PRKCZ: variants seen among roughly 807,000 people sequenced by gnomAD.
PRKCZ encodes protein kinase C zeta, also known as protein kinase C zeta type.
In PRKCZ, 33 loss-of-function variants were observed where a neutral mutation model predicts 79.5. The ratio of observed to expected loss-of-function variants is 0.41; its 90% CI spans 0.31 to 0.55. The LOEUF is 0.55. PRKCZ is among the 20% of genes least tolerant of loss of function. PRKCZ has a pLI of 0.19. For synonymous variants in PRKCZ, 342 were observed against 320.9 expected (o/e 1.07, Z -0.70); for missense variants, 578 against 813.5 (o/e 0.71, Z 3.52).
chr1:2,144,707 C>A, intron 6 of PRKCZ: 1 of 934,378 alleles, frequency 1.1e-6, no homozygotes. Flanking sequence ...ATTGGGCACG[C>A]TGAGGCTCCG....
intron 16 of PRKCZ, among the ~76,000 whole-genome samples, chr1:2,183,323 G>A (rs1472331262): frequency 6.6e-6 from 1 of 152,172 alleles, no homozygotes; most frequent in African/African-American, 2.4e-5. Flanking sequence ...TTGAATCGGA[G>A]TCAGAGGTTG....
Position 2,146,104 on chromosome 1 carries a change from T to C in PRKCZ, c.630T>C (p.Asp210=), listed in dbSNP as rs1302903393. The stretch of plus-strand genomic sequence containing the variant: ...CCGACCTTCCTTCCGAGGAGACAGA[T>C]GGAAGTAGGCGCTGCTTTCTTCCGG... The part of the protein sequence containing the change: ...EDADLPSEET[D]GIAYISSSRK... The change falls in exon 7 of 18, where the codon GAT becomes GAC. Residue 210 remains aspartate, a synonymous_variant. Transcript: ENST00000378567. The C allele has an allele frequency of 6.2e-7, 1 of 1,613,446 alleles. No homozygotes were observed. Among genetic ancestry groups the C allele is most frequent in the East Asian group, 2.2e-5 (1 of 44,880 alleles).
intron 1 of PRKCZ, among the ~76,000 whole-genome samples, chr1:2,055,164 G>A (rs561123442): frequency 4.0e-5 from 6 of 151,852 alleles, no homozygotes; most frequent in Non-Finnish European, 5.9e-5. Context: ...GGATGGTCTC[G>A]ATCTCCTGAC....
In PRKCZ at chr1:2,127,005, C is replaced by T. The variant is rs554222808; in HGVS notation, c.335-8257C>T. Among the ~76,000 whole-genome samples the T allele has an allele frequency of 1.6e-3, 241 of 152,364 alleles. 6 individuals are homozygous for T. The highest frequency in any genetic ancestry group is 2.2e-4 in the Non-Finnish European group (15 of 68,040). On this transcript the variant is annotated intron_variant, in intron 4 of 17. Coordinates refer to ENST00000378567, the MANE Select transcript of PRKCZ (RefSeq NM_002744.6). This position sits in a 1 kb window ranked among gnomAD's most constrained non-coding sequence, Gnocchi z 5.1. ...TGCCTAGACGTGAGAGGACGGAAGT[C>T]GGCAGAGCTTGGCTCCCTGTTCGCC...
intron 5 of PRKCZ, chr1:2,142,249 GCGCCTCCTTT>G: frequency 1.7e-5 from 5 of 302,506 alleles, no homozygotes; most frequent in African/African-American, 1.2e-4. Context: ...AGCAGCCGAA[GCGCCTCCTTT>G]CAATCCAGGG....
At chr1:2,096,008 G>A (rs1048326782) in intron 4 of PRKCZ, among the ~76,000 whole-genome samples, 1 of 149,836 alleles carries the variant, frequency 6.7e-6, no homozygotes, top group African/African-American at 2.5e-5. Flanking sequence ...CTCACTCTGC[G>A]GAGTAAATGG....
chr1:2,080,285 G>A (rs992429885), intron 4 of PRKCZ, among the ~76,000 whole-genome samples: 4 of 152,162 alleles, frequency 2.6e-5, no homozygotes, highest in Non-Finnish European at 5.9e-5. Flanking sequence ...GCTAAAGTAT[G>A]CAGGAAAACC....
rs940613583 is a variant in PRKCZ, at chr1:2,128,716, C to G, written c.335-6546C>G. ...CGTGACATCGAGCCAGCTCTGACTC[C>G]AAAGCCTGACCCGTGTGGCTGCACC... On this transcript the variant is annotated intron_variant, in intron 4 of 17. Coordinates refer to ENST00000378567, the MANE Select transcript of PRKCZ (RefSeq NM_002744.6). This position sits in a 1 kb window ranked among gnomAD's most constrained non-coding sequence, Gnocchi z 6.5. Among the ~76,000 whole-genome samples, 24 of 152,172 alleles carry G rather than the reference C, an allele frequency of 1.6e-4. No individual in the cohort carries two copies. The highest frequency in any genetic ancestry group is 1.3e-4 in the Admixed American group (2 of 15,280).
chr1:2,108,232 C>T (rs975428230), intron 4 of PRKCZ, among the ~76,000 whole-genome samples: 20 of 152,224 alleles, frequency 1.3e-4, no homozygotes, highest in South Asian at 4.1e-4. Context: ...GTGGTGAGGC[C>T]GTCCTCTCCT....
intron 4 of PRKCZ, chr1:2,074,257 C>G (rs1661970687): frequency 6.5e-7 from 1 of 1,550,330 alleles, no homozygotes; most frequent in South Asian, 1.2e-5. Context: ...GAGGGACATG[C>G]TCACCCCGAG....
chr1:2,132,012 C>T (rs1406056331), intron 4 of PRKCZ, among the ~76,000 whole-genome samples: 4 of 152,154 alleles, frequency 2.6e-5, no homozygotes, highest in South Asian at 2.1e-4. Context: ...GGGGTTTCAC[C>T]GTGTTAGCCA....
intron 4 of PRKCZ, among the ~76,000 whole-genome samples, chr1:2,070,585 C>A (rs1380974146): frequency 6.6e-6 from 1 of 152,132 alleles, no homozygotes; most frequent in African/African-American, 2.4e-5. Flanking sequence ...GTGGCAAAGT[C>A]GCCTTGGCCT....
intron 10 of PRKCZ, among the ~76,000 whole-genome samples, chr1:2,161,422 C>G (rs1199157913): frequency 6.6e-6 from 1 of 152,216 alleles, no homozygotes; most frequent in East Asian, 1.9e-4. Flanking sequence ...TTCGGGAACA[C>G]TGCGGACAGC....
chr1:2,150,648 G>C, intron 8 of PRKCZ, 142 bp from the exon 9 acceptor site: 1 of 795,904 alleles, frequency 1.3e-6, no homozygotes, highest in African/African-American at 1.7e-5. Context: ...GGGATATGTG[G>C]GACGCAGAAC....
rs532286649 is a variant in PRKCZ at position 2,131,818 on chromosome 1, T to A, written c.335-3444T>A. Among the ~76,000 whole-genome samples the A allele has an allele frequency of 7.2e-5, 11 of 152,316 alleles. No homozygotes were observed. In the South Asian group the frequency reaches 2.1e-3, roughly 29 times the overall value. On this transcript the variant is annotated intron_variant, in intron 4 of 17. Coordinates refer to ENST00000378567, the MANE Select transcript of PRKCZ (RefSeq NM_002744.6). ...TGACTGTGTATTCTAAAACAAGATG[T>A]TGTTTTTGTTTTTGAGAGAGTCTCG...
At chr1:2,144,141 A>G (rs754297069) in intron 5 of PRKCZ, 69 bp from the exon 6 acceptor site, 3 of 1,525,076 alleles carry the variant, frequency 2.0e-6, no homozygotes, top group Non-Finnish European at 1.8e-6. Context: ...TAGGTGTGGA[A>G]GGCCCTGCCT....
At chr1:2,162,668 A>G (rs1404564818) in intron 10 of PRKCZ, among the ~76,000 whole-genome samples, 1 of 152,030 alleles carries the variant, frequency 6.6e-6, no homozygotes, top group Non-Finnish European at 1.5e-5. Flanking sequence ...ATCTGGTCTC[A>G]AACTCCTGGG....
At chr1:2,152,025 G>GT (rs949210804) in intron 9 of PRKCZ, among the ~76,000 whole-genome samples, 4 of 151,870 alleles carry the variant, frequency 2.6e-5, no homozygotes, top group African/African-American at 9.7e-5. Context: ...TATTTTTTGT[G>GT]TTTTTTGTAG....
rs539112270 is a variant in PRKCZ at position 2,151,089 on chromosome 1, C to T, written c.876+111C>T. Reference sequence around the variant, plus strand: ...CACGAGAGACCTAGCCTCACGTTGACGGAGTTTGTGCAAAATCAATAGTCA... The same window carrying T: ...CACGAGAGACCTAGCCTCACGTTGATGGAGTTTGTGCAAAATCAATAGTCA... On this transcript the variant is annotated intron_variant, in intron 9 of 17. Transcript: ENST00000378567. The T allele has an allele frequency of 6.9e-5, 91 of 1,311,962 alleles. No homozygotes were observed. In the South Asian group the frequency reaches 8.3e-4, roughly 12 times the overall value. 81.3% of individuals were successfully genotyped at this position (1,311,962 alleles called of 1,614,324 possible). A position where few individuals can be genotyped will look rare whatever the true frequency, so the allele number is the denominator to read the frequency against.
Sources: gnomAD v4.1 joint callset for allele counts (sites outside exome capture counted in the v4.1 genomes callset) on GRCh38, gnomAD v4.1.1 for gene constraint, Gnocchi (gnomAD v3.1) non-coding constraint, MANE v1.5 for transcripts, NCBI Gene and HGNC (gene_info 2026-07-23, HGNC 2026-07-21) for gene names.